Variants in NEB observed in about 807,000 individuals in gnomAD.
NEB encodes nemaline myopathy type 2.
Under a neutral mutation model 952.2 loss-of-function variants are expected in NEB, and 512 were observed. The observed-to-expected ratio is 0.54, with a 90% CI of 0.50 to 0.58. The LOEUF (loss-of-function observed/expected upper bound fraction) is 0.58. Among genes scored for constraint, NEB ranks in the 20% least tolerant of loss-of-function variants. NEB has a pLI of 0.00. For synonymous variants in NEB, 2,900 were observed against 3,149.8 expected (o/e 0.92, Z 2.66); for missense variants, 8,428 against 9,231.1 (o/e 0.91, Z 3.56).
rs375628303 is a variant in NEB, at chr2:151,679,720, C to G, written c.3255+1G>C. Reference sequence around the variant, plus strand: ...CCATGTATGACCACAGCTGGACTTACGTCACTCGCCGCCTGCCTGGCAGCT... The same window carrying G: ...CCATGTATGACCACAGCTGGACTTAGGTCACTCGCCGCCTGCCTGGCAGCT... On this transcript the variant is annotated splice_donor_variant, in intron 32 of 181. Coordinates refer to ENST00000397345, the MANE Select transcript of NEB (RefSeq NM_001164508.2). LOFTEE classifies it high-confidence loss of function. 1 of 1,343,488 alleles carries G rather than the reference C, an allele frequency of 7.4e-7. No individual in the cohort carries two copies. The highest frequency in any genetic ancestry group is 9.9e-7 in the Non-Finnish European group (1 of 1,006,070). The allele number at this position is 1,343,488 out of a possible 1,614,324, so 83.2% of individuals were successfully genotyped here. A position where few individuals can be genotyped will look rare whatever the true frequency, so the allele number is the denominator to read the frequency against.
intron 143 of NEB, 196 bp from the exon 144 acceptor site, chr2:151,532,092 A>C: frequency 2.1e-6 from 1 of 475,526 alleles, no homozygotes; most frequent in South Asian, 3.4e-5. Flanking sequence ...ACTACTAATA[A>C]TTTCCTTTTT....
chr2:151,489,896 C>T (rs562192701), intron 181 of NEB, 75 bp downstream of exon 181: 1 of 1,167,148 alleles, frequency 8.6e-7, no homozygotes, highest in Non-Finnish European at 1.3e-6. Context: ...AACCGTAATA[C>T]CTAATACTTA....
At chr2:151,697,039 C>A (rs1032783707) in intron 16 of NEB, 109 bp downstream of exon 16, 16 of 785,764 alleles carry the variant, frequency 2.0e-5, no homozygotes, top group Middle Eastern at 4.8e-4. Flanking sequence ...TCATTTCTTG[C>A]GATTGCCTGG....
In NEB at chr2:151,565,126, T is replaced by C; in HGVS notation, c.18389A>G (p.Asn6130Ser). Reference protein sequence around the residue: ...QSDVKYKETFNKAKGKYTFSP... With the variant: ...QSDVKYKETFSKAKGKYTFSP... ...AAACGTATATTTGCCCTTTGCTTTA[T>C]TAAATGTTTCTTTATATTTTACCTA... is the stretch of plus-strand genomic sequence containing the variant. The change falls in exon 117 of 182, where the codon AAT (asparagine) becomes AGT (serine). Residue 6130 changes from asparagine to serine, a missense_variant. Around this residue, in one of 11 missense-constraint regions of NEB, gnomAD observed 3,374 missense variants for 3,651.5 expected, o/e 0.92. Transcript: ENST00000397345. 6.3e-7 allele frequency: 1 copy of C among 1,580,222 alleles called. No homozygotes were observed. The highest frequency in any genetic ancestry group is 8.7e-7 in the Non-Finnish European group (1 of 1,155,420).
chr2:151,668,001 T>C, intron 39 of NEB, 90 bp from the exon 40 acceptor site: 2 of 934,648 alleles, frequency 2.1e-6, no homozygotes, highest in South Asian at 3.1e-5. Context: ...AAACATGTCG[T>C]AATAGATCCC....
At position 151,714,728 on chromosome 2, in the gene NEB, A is replaced by T. The variant is rs2099754554; in HGVS notation, c.822+2688T>A. Reference sequence around the variant, plus strand: ...AGTGACTAGATAAAGGAGGTTTTTTAAAAAATTTATTTTTTTATACTTTAA... The same window carrying T: ...AGTGACTAGATAAAGGAGGTTTTTTTAAAAATTTATTTTTTTATACTTTAA... On this transcript the variant is annotated intron_variant, in intron 10 of 181. Coordinates refer to ENST00000397345, the MANE Select transcript of NEB (RefSeq NM_001164508.2). Among the ~76,000 whole-genome samples, 2 of 152,158 alleles carry T rather than the reference A, an allele frequency of 1.3e-5. 1 individual carries two copies. The highest frequency in any genetic ancestry group is 4.1e-4 in the South Asian group (2 of 4,828).
chr2:151,566,349 C>T (rs1304472443), intron 114 of NEB, among the ~76,000 whole-genome samples: 1 of 152,148 alleles, frequency 6.6e-6, no homozygotes, highest in East Asian at 1.9e-4. Flanking sequence ...CCAGCCAACT[C>T]GACATGAAAA....
Position 151,563,834 on chromosome 2 carries a change from C to T in NEB, c.18568G>A (p.Val6190Met), listed in dbSNP as rs770824743. ...AAGGTCATACTGACCTCACTGTTCA[C>T]CAGATCAGCATGCTTGGCTCCAACA... ...PIVGAKHADL[V>M]NSELKYKETY... Residue 6190 changes from valine to methionine, a missense_variant, in exon 118 of 182, where the codon GTG becomes ATG. Around this residue, in one of 11 missense-constraint regions of NEB, gnomAD observed 3,374 missense variants for 3,651.5 expected, o/e 0.92. Coordinates refer to ENST00000397345, the MANE Select transcript of NEB (RefSeq NM_001164508.2). 5 of 1,613,316 alleles carry T rather than the reference C, an allele frequency of 3.1e-6. No individual in the cohort carries two copies. The highest frequency in any genetic ancestry group is 1.7e-5 in the Admixed American group (1 of 59,928).
chr2:151,505,121 T>G (rs1407857767), intron 165 of NEB, among the ~76,000 whole-genome samples: 2 of 152,224 alleles, frequency 1.3e-5, no homozygotes, highest in African/African-American at 4.8e-5. Context: ...TATGTTTATA[T>G]GTATATGCTT....
chr2:151,557,076 G>A (rs191633560), intron 124 of NEB, among the ~76,000 whole-genome samples: 45 of 152,232 alleles, frequency 3.0e-4, no homozygotes, highest in African/African-American at 1.0e-3. Context: ...AATGAATCCA[G>A]GAGCTGTTTT....
At chr2:151,574,018 C>G (rs1011205058) in intron 107 of NEB, among the ~76,000 whole-genome samples, 2 of 152,076 alleles carry the variant, frequency 1.3e-5, no homozygotes, top group African/African-American at 4.8e-5. Context: ...CTGTCGCCCA[C>G]GCTGGAGTAC....
At chr2:151,683,705 A>G (rs1479353949) in intron 28 of NEB, among the ~76,000 whole-genome samples, 1 of 152,170 alleles carries the variant, frequency 6.6e-6, no homozygotes, top group Admixed American at 6.5e-5. Flanking sequence ...CCAACTATTC[A>G]ACTTCGGGTT....
chr2:151,625,333 T>C (rs2098501241), intron 71 of NEB, among the ~76,000 whole-genome samples: 1 of 150,734 alleles, frequency 6.6e-6, no homozygotes, highest in Non-Finnish European at 1.5e-5. Context: ...TGTCTGTCTG[T>C]CTATCTGTCT....
At chr2:151,616,160 C>T (rs911829775) in intron 75 of NEB, 51 bp from the exon 76 acceptor site, 109 of 1,254,448 alleles carry the variant, frequency 8.7e-5, no homozygotes, top group Non-Finnish European at 1.2e-4. Flanking sequence ...AAAAGTGAAG[C>T]TGTTCATTAT....
intron 24 of NEB, among the ~76,000 whole-genome samples, chr2:151,688,833 A>G (rs770333696): frequency 2.0e-5 from 3 of 152,162 alleles, no homozygotes; most frequent in Non-Finnish European, 4.4e-5. Context: ...TTCACCCTTC[A>G]TCTTGATAAA....
rs997913818 is a variant in NEB at position 151,687,330 on chromosome 2, C to G, written c.2637+89G>C. ...TGAATGTGATGTGAAAGAGCCCATGCTCATGAAATTCTTTTCCACACTACT... is the reference window on the plus strand; with the variant it reads ...TGAATGTGATGTGAAAGAGCCCATGGTCATGAAATTCTTTTCCACACTACT... On this transcript the variant is annotated intron_variant, in intron 27 of 181. Coordinates refer to ENST00000397345, the MANE Select transcript of NEB (RefSeq NM_001164508.2). The G allele has an allele frequency of 2.7e-6, 3 of 1,096,730 alleles. No individual in the cohort carries two copies. In the Admixed American group the frequency reaches 5.5e-5, roughly 20 times the overall value. The allele number at this position is 1,096,730 out of a possible 1,614,324, so 67.9% of individuals were successfully genotyped here.
chr2:151,702,768 C>T (rs1482187693), intron 13 of NEB, among the ~76,000 whole-genome samples: 8 of 152,224 alleles, frequency 5.3e-5, no homozygotes, highest in South Asian at 2.1e-4. Context: ...TGTCTCTGCA[C>T]GTGAGTTGGG....
chr2:151,619,082 C>T (rs2098312096), intron 73 of NEB, among the ~76,000 whole-genome samples: 2 of 152,248 alleles, frequency 1.3e-5, no homozygotes, highest in South Asian at 4.2e-4. Context: ...GCATAATATG[C>T]TTTCCCTCTA....
chr2:151,663,665 C>A lies in NEB; in HGVS notation c.5646G>T (p.Lys1882Asn). Residue 1882 changes from lysine (K) to asparagine (N), a missense_variant, in exon 45 of 182, where the codon AAG becomes AAT. Physicochemically the swap from Lys to Asn is moderately conservative, Grantham distance 94 (BLOSUM62 0). This residue lies in a region of NEB where 2,851 missense variants were observed against 2,791.5 expected (regional missense o/e 1.02). Transcript: ENST00000397345. ...PVDMLSVVAA[K>N]KSQEVATNAN... is the part of the protein sequence containing the mutation. ...CATTGGTGGCCACTTCCTGAGACTT[C>A]TTGGCTGCCACCACACTGAGCATGT... 1 of 1,613,802 alleles carries A rather than the reference C, an allele frequency of 6.2e-7. No homozygotes were observed. The highest frequency in any genetic ancestry group is 8.5e-7 in the Non-Finnish European group (1 of 1,179,782).
Sources: gnomAD v4.1 joint callset for allele counts (sites outside exome capture counted in the v4.1 genomes callset) on GRCh38, gnomAD v4.1.1 for gene constraint, gnomAD v4.1.1 regional missense constraint, MANE v1.5 for transcripts, NCBI Gene and HGNC (gene_info 2026-07-23, HGNC 2026-07-21) for gene names.